The following NSMCE2 variants were observed in gnomAD, a reference collection of about 807,000 sequenced individuals.
The protein encoded by NSMCE2 is NSE2 SUMO ligase component of SMC5/6 complex, also known as E3 SUMO-protein ligase NSE2.
Under a neutral mutation model 23.8 loss-of-function variants are expected in NSMCE2, and 24 were observed. The observed-to-expected ratio is 1.01, with a 90% CI of 0.73 to 1.42. The LOEUF (loss-of-function observed/expected upper bound fraction) is 1.42. Among genes scored for constraint, NSMCE2 ranks in the 40% most tolerant of loss-of-function variants. NSMCE2 has a pLI of 0.00. For missense variants in NSMCE2, 284 were observed against 296.5 expected (o/e 0.96, Z 0.31); for synonymous variants, 92 against 94.1 (o/e 0.98, Z 0.13).
At position 125,271,610 on chromosome 8, in the gene NSMCE2, A is replaced by G. The variant is rs558109360; in HGVS notation, c.419-85609A>G. Among the ~76,000 whole-genome samples the G allele has an allele frequency of 2.6e-5, 4 of 152,324 alleles. No homozygotes were observed. The South Asian group carries it at 8.3e-4, about 32-fold the overall frequency. On this transcript the variant is annotated intron_variant, in intron 5 of 7. Coordinates refer to ENST00000287437, the MANE Select transcript of NSMCE2 (RefSeq NM_173685.4). The stretch of plus-strand genomic sequence containing the variant: ...CTAGCTGTTCATCTTTGAAACCAGT[A>G]ATGAAATGGCTTTTGGCCCCTTAAA...
At chr8:125,170,033 A>G (rs927534388) in intron 4 of NSMCE2, among the ~76,000 whole-genome samples, 1 of 152,044 alleles carries the variant, frequency 6.6e-6, no homozygotes, top group African/African-American at 2.4e-5. Context: ...TCTGTTTGCC[A>G]AGTGGATTAC....
At chr8:125,348,825 T>A (rs1274150231) in intron 5 of NSMCE2, 1 of 152,104 alleles carries the variant, frequency 6.6e-6, no homozygotes, top group Non-Finnish European at 1.5e-5. Flanking sequence ...CAGTCTTGGA[T>A]GTGTCTTTAT....
chr8:125,244,404 T>C (rs868048347), intron 5 of NSMCE2, among the ~76,000 whole-genome samples: 5 of 152,142 alleles, frequency 3.3e-5, no homozygotes, highest in Non-Finnish European at 5.9e-5. Flanking sequence ...TTAACCTATA[T>C]GGCTAAGGGA....
chr8:125,253,471 A>C (rs895339299), intron 5 of NSMCE2, among the ~76,000 whole-genome samples: 1 of 151,994 alleles, frequency 6.6e-6, no homozygotes, highest in Non-Finnish European at 1.5e-5. Context: ...TTTCGGGTGG[A>C]GTTTTGTTTT....
chr8:125,269,886 C>T (rs1827103826), intron 5 of NSMCE2, among the ~76,000 whole-genome samples: 1 of 152,166 alleles, frequency 6.6e-6, no homozygotes, highest in Non-Finnish European at 1.5e-5. Context: ...TTAACTTGTC[C>T]TCTGGAAGCC....
intron 3 of NSMCE2, among the ~76,000 whole-genome samples, chr8:125,137,361 T>C (rs1407612734): frequency 6.6e-6 from 1 of 152,210 alleles, no homozygotes; most frequent in East Asian, 1.9e-4. Flanking sequence ...TTAATTAAAC[T>C]GTTCCTTCAT....
intron 5 of NSMCE2, among the ~76,000 whole-genome samples, chr8:125,288,857 C>G (rs570723903): frequency 6.6e-6 from 1 of 152,108 alleles, no homozygotes; most frequent in Admixed American, 6.6e-5. Context: ...TGCAGTGGCT[C>G]GATCTTGGCT....
At chr8:125,267,176 T>C (rs1203413647) in intron 5 of NSMCE2, among the ~76,000 whole-genome samples, 1 of 151,762 alleles carries the variant, frequency 6.6e-6, no homozygotes, top group Non-Finnish European at 1.5e-5. Context: ...CCCGGTTAAT[T>C]TTTGTATTTT....
chr8:125,114,330 T>C (rs763347502), intron 3 of NSMCE2, among the ~76,000 whole-genome samples: 5 of 152,230 alleles, frequency 3.3e-5, no homozygotes, highest in Non-Finnish European at 7.3e-5. Context: ...TACCCGCTGC[T>C]ATTGCCTATA....
intron 3 of NSMCE2, among the ~76,000 whole-genome samples, chr8:125,146,112 C>T (rs1463554237): frequency 6.6e-6 from 1 of 152,182 alleles, no homozygotes; most frequent in Non-Finnish European, 1.5e-5. Flanking sequence ...CTAGTGTCCT[C>T]CTTGGAAGTG....
chr8:125,191,828 A>G (rs1823355916), intron 5 of NSMCE2, among the ~76,000 whole-genome samples: 1 of 152,210 alleles, frequency 6.6e-6, no homozygotes, highest in South Asian at 2.1e-4. Flanking sequence ...CACGCAGGAA[A>G]GGAATGCATG....
At chr8:125,349,010 AACAC>A (rs35429077) in intron 5 of NSMCE2, 16,483 of 129,092 alleles carry the variant, frequency 0.13, 990 homozygotes, top group Middle Eastern at 0.15. Flanking sequence ...CTCAAAGCAA[AACAC>A]ACACACACAC....
At chr8:125,241,730 T>C (rs1825772176) in intron 5 of NSMCE2, among the ~76,000 whole-genome samples, 1 of 152,176 alleles carries the variant, frequency 6.6e-6, no homozygotes, top group Non-Finnish European at 1.5e-5. Flanking sequence ...AAAGTACTCA[T>C]AGTGTAAGTT....
At chr8:125,335,774 AT>A (rs1830048704) in intron 5 of NSMCE2, among the ~76,000 whole-genome samples, 1 of 152,224 alleles carries the variant, frequency 6.6e-6, no homozygotes, top group Non-Finnish European at 1.5e-5. Context: ...AGATAAGCAT[AT>A]GTCATTTATA....
chr8:125,193,494 GT>G (rs1409119395), intron 5 of NSMCE2, among the ~76,000 whole-genome samples: 1 of 152,118 alleles, frequency 6.6e-6, no homozygotes, highest in African/African-American at 2.4e-5. Flanking sequence ...AACACTGCTG[GT>G]TGTAGCATTA....
chr8:125,218,362 A>T (rs1824693102), intron 5 of NSMCE2, among the ~76,000 whole-genome samples: 1 of 152,140 alleles, frequency 6.6e-6, no homozygotes, highest in Admixed American at 6.5e-5. Flanking sequence ...ATTCAAATAT[A>T]AAAACTCCAC....
chr8:125,254,715 C>T (rs1040944171), intron 5 of NSMCE2, among the ~76,000 whole-genome samples: 8 of 151,820 alleles, frequency 5.3e-5, no homozygotes, highest in African/African-American at 1.9e-4. Flanking sequence ...AATCCTCTTG[C>T]TAATTGATGT....
In NSMCE2 at chr8:125,093,556, ATAAG is replaced by A. The variant is rs202069533; in HGVS notation, c.-111+1602_-111+1605del. 1.8e-4 allele frequency among the ~76,000 whole-genome samples: 28 copies of A among 151,746 alleles called. No individual in the cohort carries two copies. In the East Asian group the frequency reaches 3.1e-3, roughly 17 times the overall value. On this transcript the variant is annotated intron_variant, in intron 1 of 7. Coordinates refer to ENST00000287437, the MANE Select transcript of NSMCE2 (RefSeq NM_173685.4). ...ATACAATAAATAAATAAATAAATAA[ATAAG>A]TAAATAAATAACATAATTGGTGTGT...
chr8:125,153,332 G>GA (rs1473611109), intron 4 of NSMCE2, among the ~76,000 whole-genome samples: 1 of 152,062 alleles, frequency 6.6e-6, no homozygotes, highest in African/African-American at 2.4e-5. Flanking sequence ...TTTATAGGAA[G>GA]AAAAAACATA....
Sources: allele counts gnomAD v4.1 joint callset (sites outside exome capture counted in the v4.1 genomes callset), GRCh38; gene constraint gnomAD v4.1.1; transcripts MANE v1.5; gene names NCBI Gene and HGNC (gene_info 2026-07-23, HGNC 2026-07-21).